LRRC75A: variants seen among roughly 807,000 people sequenced by gnomAD.
LRRC75A encodes leucine rich repeat containing 75A.
LRRC75A carries 12 observed loss-of-function variants against 26.0 expected under a neutral mutation model. That is an observed-to-expected ratio of 0.46 (90% CI 0.30 to 0.75). LRRC75A has a LOEUF of 0.75. Among genes scored for constraint, LRRC75A ranks in the 30% least tolerant of loss-of-function variants. The pLI, the probability that LRRC75A is intolerant of heterozygous loss-of-function variation, is 0.08. For missense variants in LRRC75A, 410 were observed against 486.6 expected (o/e 0.84, Z 1.48); for synonymous variants, 223 against 219.3 (o/e 1.02, Z -0.15).
chr17:16,468,517 T>A (rs1182919848), intron 1 of LRRC75A, among the ~76,000 whole-genome samples: 1 of 152,054 alleles, frequency 6.6e-6, no homozygotes, highest in African/African-American at 2.4e-5. Context: ...AGTTAATTCA[T>A]ACAGACAGAA....
At chr17:16,451,911 A>T (rs1246601232) in intron 2 of LRRC75A, among the ~76,000 whole-genome samples, 2 of 117,114 alleles carry the variant, frequency 1.7e-5, no homozygotes, top group Non-Finnish European at 3.9e-5. Flanking sequence ...TGCCCGGCTA[A>T]TTTTTTTGCA....
intron 1 of LRRC75A, chr17:16,463,842 C>T (rs1218789184): frequency 6.6e-6 from 1 of 152,332 alleles, no homozygotes; most frequent in African/African-American, 2.4e-5. Context: ...CGGCCTCAGC[C>T]CTGGGCATGT....
At chr17:16,456,212 G>A (rs1427505717) in intron 2 of LRRC75A, among the ~76,000 whole-genome samples, 5 of 104,670 alleles carry the variant, frequency 4.8e-5, no homozygotes, top group Non-Finnish European at 9.9e-5. Context: ...AAGAGGAGGA[G>A]GAAGAGGAGG....
chr17:16,447,601 T>C (rs184277168), intron 3 of LRRC75A, among the ~76,000 whole-genome samples: 1 of 152,318 alleles, frequency 6.6e-6, no homozygotes, highest in East Asian at 1.9e-4. Flanking sequence ...TGTGCTTATC[T>C]GGGAGTGCCC....
At chr17:16,485,436 G>A (rs1405721316) in intron 1 of LRRC75A, among the ~76,000 whole-genome samples, 4 of 152,166 alleles carry the variant, frequency 2.6e-5, no homozygotes, top group Non-Finnish European at 4.4e-5. Context: ...AATGCAGCGA[G>A]AGGGTACCAT....
intron 1 of LRRC75A, among the ~76,000 whole-genome samples, chr17:16,476,317 G>A (rs1202460977): frequency 6.6e-6 from 1 of 151,982 alleles, no homozygotes; most frequent in Non-Finnish European, 1.5e-5. Context: ...GCAGTGAGTT[G>A]AGGTTGCACC....
rs1350920652 is a variant in LRRC75A at position 16,447,758 on chromosome 17, G to A, written c.491+87C>T. 1.6e-5 allele frequency: 16 copies of A among 1,021,486 alleles called. No homozygotes were observed. In the Admixed American group the frequency reaches 1.9e-4, roughly 12 times the overall value. 63.3% of individuals were successfully genotyped at this position (1,021,486 alleles called of 1,614,324 possible). The stretch of plus-strand genomic sequence containing the variant: ...TTCTATGACCACCCCCCATGACTCC[G>A]CCCTTCCCTTCCCTACATCCCTGGG... On this transcript the variant is annotated intron_variant, in intron 3 of 3. Transcript: ENST00000470794.
chr17:16,451,746 T>G (rs1009929626), intron 2 of LRRC75A, among the ~76,000 whole-genome samples: 7 of 151,466 alleles, frequency 4.6e-5, no homozygotes, highest in African/African-American at 1.7e-4. Flanking sequence ...TCAGGGGAGC[T>G]TTTTTTTCTT....
chr17:16,466,716 G>T (rs1232753953), intron 1 of LRRC75A, among the ~76,000 whole-genome samples: 1 of 152,188 alleles, frequency 6.6e-6, no homozygotes, highest in Non-Finnish European at 1.5e-5. Context: ...GCATTTCAAA[G>T]AAGGGGGCCC....
chr17:16,471,615 C>T (rs1028824890), intron 1 of LRRC75A, among the ~76,000 whole-genome samples: 1 of 152,230 alleles, frequency 6.6e-6, no homozygotes, highest in African/African-American at 2.4e-5. Context: ...TGGGTACACT[C>T]TCCTTTGCTG....
rs999137092 is a variant in LRRC75A, at chr17:16,460,136, G to A, written c.375+2122C>T. Among the ~76,000 whole-genome samples the A allele has an allele frequency of 1.4e-4, 21 of 152,238 alleles. No individual in the cohort carries two copies. In the South Asian group the frequency reaches 3.1e-3, roughly 23 times the overall value. On this transcript the variant is annotated intron_variant, in intron 2 of 3. Coordinates refer to ENST00000470794, the MANE Select transcript of LRRC75A (RefSeq NM_001113567.3). ...CTTTGCCCATTTCCTGCCATGTGAG[G>A]ACACAGGAAGGTGACTGTCTGTAAC...
chr17:16,447,792 C>G, intron 3 of LRRC75A, 53 bp downstream of exon 3: 3 of 1,352,288 alleles, frequency 2.2e-6, no homozygotes, highest in Non-Finnish European at 2.0e-6. Context: ...GGAGGGGTGC[C>G]CTGTAACACA....
Position 16,491,716 on chromosome 17 carries a change from C to T in LRRC75A, c.246+29G>A. ...GCCCAGCACGCCCCCTGGCCCGGCG[C>T]GCCCCCCGCGCCCCCTCCCCGCGCT... On this transcript the variant is annotated intron_variant, in intron 1 of 3. Transcript: ENST00000470794. The surrounding 1 kb of genome is among the most constrained non-coding windows in gnomAD (Gnocchi z 5.9). 1 of 1,303,190 alleles carries T rather than the reference C, an allele frequency of 7.7e-7. No individual in the cohort carries two copies. The highest frequency in any genetic ancestry group is 9.7e-7 in the Non-Finnish European group (1 of 1,029,098). 80.7% of individuals were successfully genotyped at this position (1,303,190 alleles called of 1,614,324 possible).
Position 16,491,121 on chromosome 17 carries a change from G to T in LRRC75A, c.246+624C>A, listed in dbSNP as rs2093856232. On this transcript the variant is annotated intron_variant, in intron 1 of 3. Coordinates refer to ENST00000470794, the MANE Select transcript of LRRC75A (RefSeq NM_001113567.3). The surrounding 1 kb of genome is among the most constrained non-coding windows in gnomAD (Gnocchi z 5.9). ...GCTGCTGGCCAGGTGGTCACACAGG[G>T]CACCAAATCCAGCTCCCCTGTCTCT... is the stretch of plus-strand genomic sequence containing the variant. Among the ~76,000 whole-genome samples the T allele has an allele frequency of 6.6e-6, 1 of 152,248 alleles. No individual in the cohort carries two copies. Among genetic ancestry groups the T allele is most frequent in the African/African-American group, 2.4e-5 (1 of 41,474 alleles).
At chr17:16,450,969 G>A (rs2093626467) in intron 2 of LRRC75A, among the ~76,000 whole-genome samples, 1 of 152,018 alleles carries the variant, frequency 6.6e-6, no homozygotes, top group Non-Finnish European at 1.5e-5. Context: ...GCAGGAGGGG[G>A]GTGACCTGCT....
chr17:16,487,911 C>G (rs1045341620), intron 1 of LRRC75A, among the ~76,000 whole-genome samples: 7 of 152,192 alleles, frequency 4.6e-5, no homozygotes, highest in African/African-American at 1.7e-4. Context: ...CGCCACACTT[C>G]GAGTAAACCA....
In LRRC75A at chr17:16,462,474, A is replaced by G; in HGVS notation, c.247-88T>C. ...CCAAGAGAAGTAGGCACAGACCCCT[A>G]GAGGCGACTCTGCCTCCCAGAGCCC... is the stretch of plus-strand genomic sequence containing the variant. On this transcript the variant is annotated intron_variant, in intron 1 of 3. Coordinates refer to ENST00000470794, the MANE Select transcript of LRRC75A (RefSeq NM_001113567.3). The surrounding 1 kb of genome is among the most constrained non-coding windows in gnomAD (Gnocchi z 4.6). 6.4e-7 allele frequency: 1 copy of G among 1,552,468 alleles called. No individual in the cohort carries two copies. Among genetic ancestry groups the G allele is most frequent in the Non-Finnish European group, 8.7e-7 (1 of 1,147,346 alleles).
At position 16,443,735 on chromosome 17, in the gene LRRC75A, G is replaced by A. The variant is rs1408398071; in HGVS notation, c.888C>T (p.Pro296=). ...RKRSPKQGHL[P]TILELGEGPG... is the part of the protein sequence containing the mutation. ...GGCCCTCACCCAGCTCCAGGATGGTGGGTAGGTGGCCCTGCTTTGGGGAGC... is the reference window on the plus strand; with the variant it reads ...GGCCCTCACCCAGCTCCAGGATGGTAGGTAGGTGGCCCTGCTTTGGGGAGC... The change falls in exon 4 of 4, where the codon CCC becomes CCT. Residue 296 remains proline (P), a synonymous_variant. Coordinates refer to ENST00000470794, the MANE Select transcript of LRRC75A (RefSeq NM_001113567.3). The A allele has an allele frequency of 2.5e-6, 4 of 1,613,692 alleles. No individual in the cohort carries two copies. Among genetic ancestry groups the A allele is most frequent in the Non-Finnish European group, 3.4e-6 (4 of 1,179,806 alleles).
At chr17:16,480,644 A>AC (rs1491286033) in intron 1 of LRRC75A, among the ~76,000 whole-genome samples, 4 of 143,560 alleles carry the variant, frequency 2.8e-5, no homozygotes, top group Non-Finnish European at 1.5e-5. Flanking sequence ...AAAAAAAAAC[A>AC]AAAAAAAAAA....
Sources: gnomAD v4.1 joint callset for allele counts (sites outside exome capture counted in the v4.1 genomes callset) on GRCh38, gnomAD v4.1.1 for gene constraint, Gnocchi (gnomAD v3.1) non-coding constraint, MANE v1.5 for transcripts, NCBI Gene and HGNC (gene_info 2026-07-23, HGNC 2026-07-21) for gene names.